The following FBXL13 variants were observed in gnomAD, a reference collection of about 807,000 sequenced individuals.
FBXL13 encodes the protein F-box and leucine-rich repeat protein 13.
FBXL13 carries 67 observed loss-of-function variants against 83.6 expected under a neutral mutation model. The ratio of observed to expected loss-of-function variants is 0.80; its 90% CI spans 0.66 to 0.98. FBXL13 has a LOEUF of 0.98. Ranked by LOEUF, FBXL13 falls within the 50% of genes least tolerant of loss-of-function variation. The pLI, the probability that FBXL13 is intolerant of heterozygous loss-of-function variation, is 0.00. For missense variants in FBXL13, 822 were observed against 866.5 expected, an observed-to-expected ratio of 0.95 and a Z score of 0.64; for synonymous variants, 272 against 299.5, an observed-to-expected ratio of 0.91 and a Z score of 0.95.
chr7:103,038,601 G>A (rs1795324332), intron 2 of FBXL13, among the ~76,000 whole-genome samples: 1 of 152,168 alleles, frequency 6.6e-6, no homozygotes, highest in South Asian at 2.1e-4. Context: ...GCCCCTCTGG[G>A]ACGAAGCTTC....
At chr7:102,952,848 G>GA (rs1823627072) in intron 8 of FBXL13, among the ~76,000 whole-genome samples, 1 of 152,064 alleles carries the variant, frequency 6.6e-6, no homozygotes, top group Non-Finnish European at 1.5e-5. Context: ...GCTGGGTGTG[G>GA]TGGCACGCAC....
chr7:102,973,728 T>G (rs769447513), intron 6 of FBXL13: 1 of 766,266 alleles, frequency 1.3e-6, no homozygotes, highest in East Asian at 2.4e-5. Flanking sequence ...CAGCCTCCAG[T>G]TGCTTCTCTG....
At chr7:102,962,039 G>C (rs1189756470) in intron 8 of FBXL13, among the ~76,000 whole-genome samples, 2 of 150,748 alleles carry the variant, frequency 1.3e-5, no homozygotes, top group Middle Eastern at 3.2e-3. Context: ...TACCATCAGA[G>C]TGAACAGGCA....
intron 8 of FBXL13, among the ~76,000 whole-genome samples, chr7:102,935,394 A>T (rs538020630): frequency 1.3e-5 from 2 of 151,658 alleles, no homozygotes; most frequent in South Asian, 2.1e-4. Flanking sequence ...TGATTTTAAT[A>T]AATGCCTCTT....
chr7:102,963,799 AAGAC>A (rs1299224418), intron 7 of FBXL13, 134 bp from the exon 9 acceptor site: 5 of 796,308 alleles, frequency 6.3e-6, no homozygotes, highest in Non-Finnish European at 9.3e-6. Context: ...ATCAATAGAG[AAGAC>A]AGACAACCTA....
chr7:102,935,228 TTTTTTTTTTCTTTC>T (rs1205648632), intron 8 of FBXL13, among the ~76,000 whole-genome samples: 2 of 137,196 alleles, frequency 1.5e-5, no homozygotes, highest in African/African-American at 5.2e-5. Flanking sequence ...TCATGCTCCT[TTTTTTTTTTCTTTC>T]TTTTTTTTTT....
chr7:102,997,046 T>C (rs1789875411), intron 6 of FBXL13, among the ~76,000 whole-genome samples: 1 of 152,214 alleles, frequency 6.6e-6, no homozygotes, highest in African/African-American at 2.4e-5. Context: ...GATGTGTTCA[T>C]AAAAAACGTG....
At chr7:103,071,247 A>G (rs751559920) in intron 1 of FBXL13, among the ~76,000 whole-genome samples, 7 of 152,188 alleles carry the variant, frequency 4.6e-5, no homozygotes, top group Non-Finnish European at 7.3e-5. Context: ...GTACGATTGG[A>G]GTTCCAAAAG....
chr7:103,036,288 G>A (rs556375766), intron 2 of FBXL13, among the ~76,000 whole-genome samples: 3 of 152,092 alleles, frequency 2.0e-5, no homozygotes, highest in Admixed American at 2.0e-4. Context: ...AAACAGAATG[G>A]GGATTATAAA....
chr7:102,859,833 T>C (rs1393776796), intron 16 of FBXL13, among the ~76,000 whole-genome samples: 1 of 152,156 alleles, frequency 6.6e-6, no homozygotes, highest in Non-Finnish European at 1.5e-5. Flanking sequence ...AGGGACTACA[T>C]TTTATGGTCA....
intron 16 of FBXL13, among the ~76,000 whole-genome samples, chr7:102,869,422 T>C (rs979435106): frequency 2.0e-5 from 3 of 152,192 alleles, no homozygotes; most frequent in African/African-American, 4.8e-5. Flanking sequence ...TCCCATTCCA[T>C]AGGTGGTCTC....
chr7:103,062,909 G>A (rs1368598904), intron 1 of FBXL13, among the ~76,000 whole-genome samples: 1 of 152,200 alleles, frequency 6.6e-6, no homozygotes, highest in Non-Finnish European at 1.5e-5. Flanking sequence ...ACGTGGTAGA[G>A]ACCCAGCAAA....
chr7:102,933,759 T>A (rs1351862651), intron 8 of FBXL13: 3 of 675,642 alleles, frequency 4.4e-6, no homozygotes, highest in Non-Finnish European at 7.2e-6. Context: ...TAATATATAT[T>A]TTTTTCTCTT....
chr7:102,872,167 G>A (rs918211810), intron 16 of FBXL13, among the ~76,000 whole-genome samples: 1 of 152,154 alleles, frequency 6.6e-6, no homozygotes, highest in Non-Finnish European at 1.5e-5. Context: ...TGGGCAGGCT[G>A]AATTAAGAGA....
chr7:102,822,582 G>C, intron 18 of FBXL13: 1 of 385,982 alleles, frequency 2.6e-6, no homozygotes. Flanking sequence ...TGTCACAGTG[G>C]GAGTTAGGGT....
intron 8 of FBXL13, among the ~76,000 whole-genome samples, chr7:102,932,561 T>TGATTTTTTTTTAGGTC (rs1350351086): frequency 1.3e-5 from 2 of 151,976 alleles, no homozygotes; most frequent in Admixed American, 6.6e-5. Context: ...ATAGTTGACA[T>TGATTTTTTTTTAGGTC]ACAGAATACA....
chr7:102,821,888 C>T, intron 19 of FBXL13, 152 bp downstream of exon 20: 2 of 827,038 alleles, frequency 2.4e-6, no homozygotes, highest in Non-Finnish European at 3.7e-6. Context: ...TTTAGAACAA[C>T]TCACAATGTT....
intron 2 of FBXL13, among the ~76,000 whole-genome samples, chr7:103,049,148 T>C (rs1585553801): frequency 2.6e-5 from 4 of 152,360 alleles, no homozygotes; most frequent in Admixed American, 2.6e-4. Flanking sequence ...TCCTTTCTTA[T>C]ATAAAATCTC....
At chr7:102,867,046 A>G (rs1239303603) in intron 16 of FBXL13, among the ~76,000 whole-genome samples, 1 of 152,196 alleles carries the variant, frequency 6.6e-6, no homozygotes, top group Non-Finnish European at 1.5e-5. Flanking sequence ...AAGCTTCCCC[A>G]CAGCTGAAAC....
Sources: gnomAD v4.1 joint callset for allele counts (sites outside exome capture counted in the v4.1 genomes callset) on GRCh38, gnomAD v4.1.1 for gene constraint, MANE v1.5 for transcripts, NCBI Gene and HGNC (gene_info 2026-07-23, HGNC 2026-07-21) for gene names.